Variants in NCOA6 observed in about 807,000 individuals in gnomAD.
NCOA6 encodes the protein nuclear receptor coactivator 6.
NCOA6 carries 49 observed loss-of-function variants against 171.4 expected under a neutral mutation model. The ratio of observed to expected loss-of-function variants is 0.29; its 90% CI spans 0.23 to 0.36. The LOEUF (loss-of-function observed/expected upper bound fraction) is 0.36. Ranked by LOEUF, NCOA6 falls within the 10% of genes least tolerant of loss-of-function variation. The probability of loss-of-function intolerance (pLI) is 1.00; values close to 1 mark genes in which losing one functional copy is unlikely to be tolerated. For synonymous variants in NCOA6, 910 were observed against 927.5 expected (o/e 0.98, Z 0.34); for missense variants, 2,248 against 2,554.5 (o/e 0.88, Z 2.59).
chr20:34,721,214 T>G (rs1437226019), intron 14 of NCOA6, among the ~76,000 whole-genome samples: 16 of 77,542 alleles, frequency 2.1e-4, no homozygotes, highest in Non-Finnish European at 3.8e-4. Context: ...GGGACCTATC[T>G]CCCCTTCCCC....
At chr20:34,749,095 T>G (rs962011824) in intron 9 of NCOA6, among the ~76,000 whole-genome samples, 2 of 152,332 alleles carry the variant, frequency 1.3e-5, no homozygotes, top group Non-Finnish European at 2.9e-5. Context: ...ACACTGGATA[T>G]GAGAGTACTA....
intron 14 of NCOA6, among the ~76,000 whole-genome samples, chr20:34,719,809 T>C (rs113981711): frequency 2.0e-5 from 3 of 152,318 alleles, no homozygotes; most frequent in African/African-American, 7.2e-5. Flanking sequence ...ATTTGCATGG[T>C]TGGTTTCAAA....
At chr20:34,811,199 G>GTGTA (rs1491357424) in intron 1 of NCOA6, among the ~76,000 whole-genome samples, 574 of 38,870 alleles carry the variant, frequency 0.015, 23 homozygotes, top group South Asian at 0.022. Context: ...CAACAACAAC[G>GTGTA]TGTATATATA....
chr20:34,731,733 C>A (rs2075785859), intron 13 of NCOA6, among the ~76,000 whole-genome samples: 1 of 152,194 alleles, frequency 6.6e-6, no homozygotes, highest in Admixed American at 6.5e-5. Flanking sequence ...TGCATTCCTA[C>A]ACTAAAAGAG....
chr20:34,768,994 C>G (rs952542009), intron 4 of NCOA6, among the ~76,000 whole-genome samples: 2 of 151,860 alleles, frequency 1.3e-5, no homozygotes, highest in Non-Finnish European at 2.9e-5. Flanking sequence ...AGAAGGTAGA[C>G]ACTAAATATA....
At chr20:34,815,055 C>T (rs1430772061) in intron 1 of NCOA6, among the ~76,000 whole-genome samples, 1 of 152,180 alleles carries the variant, frequency 6.6e-6, no homozygotes, top group Non-Finnish European at 1.5e-5. Flanking sequence ...AAATACAGTA[C>T]TATCCTGGGC....
rs2076692317 is a variant in NCOA6, at chr20:34,757,893, CTGT to C, written c.852_854del (p.Gln285del). On this transcript the variant is annotated inframe_deletion, in exon 7 of 15. Transcript: ENST00000359003. ...GTTGCTGTGGGGGTCTTGCCTGCAA[CTGT>C]TGTTGCTGCTGTTGCTGTTGTTGCT... The C allele has an allele frequency of 6.2e-7, 1 of 1,613,778 alleles. No individual in the cohort carries two copies. Among genetic ancestry groups the C allele is most frequent in the Admixed American group, 1.7e-5 (1 of 59,966 alleles).
intron 3 of NCOA6, among the ~76,000 whole-genome samples, chr20:34,778,136 C>G (rs901898653): frequency 2.0e-5 from 3 of 152,138 alleles, no homozygotes; most frequent in African/African-American, 7.2e-5. Flanking sequence ...ATCTCCTGAC[C>G]TCATGATCGC....
At chr20:34,767,410 C>T (rs1156256017) in intron 5 of NCOA6, among the ~76,000 whole-genome samples, 3 of 152,120 alleles carry the variant, frequency 2.0e-5, no homozygotes, top group African/African-American at 7.2e-5. Flanking sequence ...GTTCTCCTGC[C>T]TCAGCTTCTC....
chr20:34,742,235 T>C lies in NCOA6; in HGVS notation c.4021A>G (p.Thr1341Ala), dbSNP rs779627811. The C allele has an allele frequency of 1.2e-5, 19 of 1,613,774 alleles. No individual in the cohort carries two copies. Among genetic ancestry groups the C allele is most frequent in the Middle Eastern group, 1.6e-4 (1 of 6,084 alleles). Residue 1341 changes from threonine (T) to alanine (A), a missense_variant, in exon 11 of 15, where the codon ACT (threonine) becomes GCT (alanine). Thr to Ala is a moderately conservative substitution (Grantham distance 58, BLOSUM62 0). This residue lies in a region of NCOA6 where 884 missense variants were observed against 941.9 expected (regional missense o/e 0.94). Coordinates refer to ENST00000359003, the MANE Select transcript of NCOA6 (RefSeq NM_014071.5). ...GAATTTTGCCTCCCAGGGCTTGGAG[T>C]GGTTTTCCTACTGGACCCAGGACTA... ...RSSPGSSRKTTPSPGRQNSKA... is the reference protein window; with the variant it reads ...RSSPGSSRKTAPSPGRQNSKA...
At chr20:34,760,930 C>A (rs2145863968) in intron 5 of NCOA6, among the ~76,000 whole-genome samples, 1 of 152,044 alleles carries the variant, frequency 6.6e-6, no homozygotes, top group South Asian at 2.1e-4. Context: ...TTCAAAGAAA[C>A]ATCTTTTGGG....
chr20:34,821,021 G>T (rs1469054359), intron 1 of NCOA6: 1 of 152,174 alleles, frequency 6.6e-6, no homozygotes, highest in Non-Finnish European at 1.5e-5. Flanking sequence ...ATATTCAGGG[G>T]TCTGTGTTAT....
chr20:34,715,209 A>G lies in NCOA6; in HGVS notation c.*113T>C, dbSNP rs1012990598. The G allele has an allele frequency of 1.5e-5, 21 of 1,406,896 alleles. No individual in the cohort carries two copies. Among genetic ancestry groups the G allele is most frequent in the Non-Finnish European group, 2.1e-5 (21 of 1,002,512 alleles). 87.2% of individuals were successfully genotyped at this position (1,406,896 alleles called of 1,614,324 possible). On this transcript the variant is annotated 3_prime_UTR_variant, in exon 15 of 15. Transcript: ENST00000359003. ...GGTTGCAGGGACTAGGAAAAGGGCC[A>G]CATTATTAAAATTACTAACTGTACA...
At chr20:34,772,313 C>CA (rs200276752) in intron 4 of NCOA6, among the ~76,000 whole-genome samples, 4,412 of 93,686 alleles carry the variant, frequency 0.047, 200 homozygotes, top group African/African-American at 0.14. Flanking sequence ...GACTTTGTCT[C>CA]AAAAAAAAAA....
chr20:34,740,616 C>T lies in NCOA6; in HGVS notation c.5640G>A (p.Thr1880=), dbSNP rs61751051. 6.5e-3 allele frequency: 10,499 copies of T among 1,614,084 alleles called. 94 individuals carry two copies. The highest frequency in any genetic ancestry group is 0.032 in the Middle Eastern group (194 of 6,062). The change falls in exon 11 of 15, where the codon ACG becomes ACA. Residue 1880 remains threonine (T), a synonymous_variant. Coordinates refer to ENST00000359003, the MANE Select transcript of NCOA6 (RefSeq NM_014071.5). ...TTTTTAGCAGAGTGGGTGCTGGGGG[C>T]GTTGGGGTTTTACTGTCCAGCTCTG... The part of the protein sequence containing the change: ...LSTELDSKTP[T]PPAPTLLKMT...
At chr20:34,806,603 A>C (rs2078459754) in intron 1 of NCOA6, among the ~76,000 whole-genome samples, 1 of 152,152 alleles carries the variant, frequency 6.6e-6, no homozygotes, top group Admixed American at 6.5e-5. Context: ...ATAGGGGTCT[A>C]GTTTCATTCT....
chr20:34,805,958 T>A (rs1436958349), intron 1 of NCOA6, among the ~76,000 whole-genome samples: 2 of 152,216 alleles, frequency 1.3e-5, no homozygotes, highest in Non-Finnish European at 2.9e-5. Flanking sequence ...AGTGCTGGGA[T>A]TACAGGCGTG....
chr20:34,792,224 T>A (rs1225315446), intron 2 of NCOA6, among the ~76,000 whole-genome samples: 1 of 152,146 alleles, frequency 6.6e-6, no homozygotes, highest in Non-Finnish European at 1.5e-5. Flanking sequence ...TCTTCTACAG[T>A]GAAACCTAAG....
intron 12 of NCOA6, among the ~76,000 whole-genome samples, chr20:34,733,573 G>T (rs2075852490): frequency 6.6e-6 from 1 of 152,094 alleles, no homozygotes; most frequent in South Asian, 2.1e-4. Context: ...CAAAGTTAAG[G>T]AGATGAAATA....
Sources: gnomAD v4.1 joint callset for allele counts (sites outside exome capture counted in the v4.1 genomes callset) on GRCh38, gnomAD v4.1.1 for gene constraint, gnomAD v4.1.1 regional missense constraint, MANE v1.5 for transcripts, NCBI Gene and HGNC (gene_info 2026-07-23, HGNC 2026-07-21) for gene names.